The following PSD3 variants were observed in gnomAD, a reference collection of about 807,000 sequenced individuals.
PSD3 encodes PH and SEC7 domain-containing protein 3.
Under a neutral mutation model 105.5 loss-of-function variants are expected in PSD3, and 49 were observed. That is an observed-to-expected ratio of 0.46 (90% CI 0.37 to 0.59). The LOEUF is 0.59. Ranked by LOEUF, PSD3 falls within the 20% of genes least tolerant of loss-of-function variation. The pLI is 0.00. For missense variants in PSD3, 1,561 were observed against 1,263.8 expected, an observed-to-expected ratio of 1.24 and a Z score of -3.57; for synonymous variants, 557 against 457.8, an observed-to-expected ratio of 1.22 and a Z score of -2.77.
intron 9 of PSD3, among the ~76,000 whole-genome samples, chr8:18,759,929 G>C (rs571892748): frequency 8.0e-6 from 1 of 125,246 alleles, no homozygotes; most frequent in East Asian, 2.7e-4. Context: ...AATGAGAAAT[G>C]GACAATTATC....
rs745686542 is a variant in PSD3 at position 19,013,610 on chromosome 8, C to A, written c.-27G>T. 2 of 1,428,810 alleles carry A rather than the reference C, an allele frequency of 1.4e-6. No homozygotes were observed. The highest frequency in any genetic ancestry group is 2.8e-5 in the South Asian group (2 of 71,228). 88.5% of individuals were successfully genotyped at this position (1,428,810 alleles called of 1,614,324 possible). A position where few individuals can be genotyped will look rare whatever the true frequency, so the allele number is the denominator to read the frequency against. On this transcript the variant is annotated 5_prime_UTR_variant, in exon 1 of 16. Coordinates refer to ENST00000327040, the MANE Select transcript of PSD3 (RefSeq NM_015310.4). ...TTCCATCGCCAGCCCGGCCGCGCGC[C>A]GAAACCGCCGCCGGGCGCTCCGGGG...
intron 2 of PSD3, among the ~76,000 whole-genome samples, chr8:18,924,065 A>C (rs2129467702): frequency 6.6e-6 from 1 of 152,278 alleles, no homozygotes; most frequent in South Asian, 2.1e-4. Flanking sequence ...TAAAACACCA[A>C]GTAATTCCAA....
At chr8:19,080,179 G>A (rs574300264) in intron 1 of PSD3, among the ~76,000 whole-genome samples, 2 of 152,122 alleles carry the variant, frequency 1.3e-5, no homozygotes, top group Non-Finnish European at 1.5e-5. Flanking sequence ...GTAAGCCACC[G>A]CGCCTGGCCA....
intron 9 of PSD3, among the ~76,000 whole-genome samples, chr8:18,750,785 A>G (rs1041103897): frequency 2.0e-5 from 3 of 152,114 alleles, no homozygotes. Context: ...AGGTTCTCCA[A>G]GGCCCCACCA....
chr8:19,052,258 G>T (rs1197262133), intron 1 of PSD3, among the ~76,000 whole-genome samples: 1 of 152,138 alleles, frequency 6.6e-6, no homozygotes, highest in Non-Finnish European at 1.5e-5. Context: ...CGGATCCCAA[G>T]GTCAGGAGAT....
At chr8:18,866,955 T>A (rs918452741) in intron 4 of PSD3, among the ~76,000 whole-genome samples, 1 of 151,974 alleles carries the variant, frequency 6.6e-6, no homozygotes, top group East Asian at 1.9e-4. Flanking sequence ...CACAGGTAGA[T>A]AACCTGAGGA....
intron 9 of PSD3, among the ~76,000 whole-genome samples, chr8:18,678,782 A>T (rs1800213718): frequency 6.6e-6 from 1 of 151,548 alleles, no homozygotes; most frequent in Non-Finnish European, 1.5e-5. Flanking sequence ...ATTGCACTCC[A>T]GCCTGGGCAA....
chr8:18,824,649 C>T (rs944391775), intron 4 of PSD3, among the ~76,000 whole-genome samples: 1 of 152,178 alleles, frequency 6.6e-6, no homozygotes, highest in Non-Finnish European at 1.5e-5. Flanking sequence ...CCATCTATCA[C>T]TGGCTAAGGC....
intron 2 of PSD3, among the ~76,000 whole-genome samples, chr8:18,917,078 C>G (rs1029720635): frequency 2.0e-5 from 3 of 152,134 alleles, no homozygotes; most frequent in African/African-American, 7.2e-5. Flanking sequence ...ATCCTCCCTC[C>G]CATCCACCCA....
chr8:18,702,691 C>A (rs1801658886), intron 9 of PSD3, among the ~76,000 whole-genome samples: 1 of 151,820 alleles, frequency 6.6e-6, no homozygotes, highest in Non-Finnish European at 1.5e-5. Context: ...CGGTTCCCTG[C>A]AAGCTCCGGC....
chr8:18,761,558 C>T (rs1806538362), intron 9 of PSD3, among the ~76,000 whole-genome samples: 1 of 152,184 alleles, frequency 6.6e-6, no homozygotes, highest in Non-Finnish European at 1.5e-5. Context: ...GGTATTAGAA[C>T]CCAGTCAGTA....
At chr8:18,643,403 CT>C (rs1168597027) in intron 10 of PSD3, among the ~76,000 whole-genome samples, 1 of 152,190 alleles carries the variant, frequency 6.6e-6, no homozygotes, top group Non-Finnish European at 1.5e-5. Flanking sequence ...CCAGTTTTAA[CT>C]CTTTCTAGCA....
intron 1 of PSD3, among the ~76,000 whole-genome samples, chr8:19,072,736 G>C (rs1829311911): frequency 6.6e-6 from 1 of 152,144 alleles, no homozygotes; most frequent in Admixed American, 6.5e-5. Context: ...TGGAGGACTG[G>C]CAATCAAAGC....
chr8:18,955,087 G>A (rs541883944), intron 1 of PSD3, among the ~76,000 whole-genome samples: 3 of 152,312 alleles, frequency 2.0e-5, no homozygotes, highest in African/African-American at 7.2e-5. Flanking sequence ...TTAAAGTGAA[G>A]GTTTATTTCT....
At chr8:19,057,701 A>G (rs1026173305) in intron 1 of PSD3, among the ~76,000 whole-genome samples, 3 of 152,188 alleles carry the variant, frequency 2.0e-5, no homozygotes, top group African/African-American at 7.2e-5. Context: ...ATAGGTTATA[A>G]GGACACCTAT....
intron 9 of PSD3, among the ~76,000 whole-genome samples, chr8:18,734,666 G>A (rs762044258): frequency 4.6e-5 from 7 of 152,276 alleles, no homozygotes; most frequent in African/African-American, 1.2e-4. Context: ...TAAAAGCAAT[G>A]AATGTACAGT....
intron 1 of PSD3, among the ~76,000 whole-genome samples, chr8:19,000,429 T>C (rs527509463): frequency 1.3e-5 from 2 of 149,314 alleles, no homozygotes; most frequent in South Asian, 2.2e-4. Context: ...AAAAACCTGA[T>C]ACAATCAAAA....
chr8:18,598,740 T>C (rs1382709199), intron 12 of PSD3, among the ~76,000 whole-genome samples: 2 of 152,110 alleles, frequency 1.3e-5, no homozygotes, highest in African/African-American at 4.8e-5. Flanking sequence ...TCCATTTCTA[T>C]ATGCTAACAA....
At position 18,605,630 on chromosome 8, in the gene PSD3, C is replaced by T. The variant is rs148672043; in HGVS notation, c.2411-5196G>A. On this transcript the variant is annotated intron_variant, in intron 11 of 15. Coordinates refer to ENST00000327040, the MANE Select transcript of PSD3 (RefSeq NM_015310.4). ...GAAGGACATGATATTTGGGAGGGGC[C>T]TGGGGCGGAATGATATGGTTTAGAT... Among the ~76,000 whole-genome samples, 20 of 152,172 alleles carry T rather than the reference C, an allele frequency of 1.3e-4. 1 individual carries two copies. The East Asian group carries it at 3.1e-3, about 24-fold the overall frequency.
Sources: allele counts gnomAD v4.1 joint callset (sites outside exome capture counted in the v4.1 genomes callset), GRCh38; gene constraint gnomAD v4.1.1; transcripts MANE v1.5; gene names NCBI Gene and HGNC (gene_info 2026-07-23, HGNC 2026-07-21).